Variants in VPS37A observed in about 807,000 individuals in gnomAD.
The protein encoded by VPS37A is vacuolar protein sorting-associated protein 37A.
In VPS37A, 30 loss-of-function variants were observed where a neutral mutation model predicts 49.8. That is an observed-to-expected ratio of 0.60 (90% CI 0.45 to 0.82). The LOEUF is 0.82. Ranked by LOEUF, VPS37A falls within the 40% of genes least tolerant of loss-of-function variation. The pLI is 0.00. For synonymous variants in VPS37A, 195 were observed against 160.6 expected (o/e 1.21, Z -1.62); for missense variants, 593 against 464.4 (o/e 1.28, Z -2.55).
the VPS37A span, among the ~76,000 whole-genome samples, chr8:17,330,487 A>T: frequency 2.6e-5 from 4 of 152,272 alleles, no homozygotes; most frequent in Non-Finnish European, 5.9e-5. Context: ...GAAGCAGCGG[A>T]CTAAGCTGGT....
At chr8:17,270,118 G>A (rs1585990767) in intron 4 of VPS37A, among the ~76,000 whole-genome samples, 2 of 152,082 alleles carry the variant, frequency 1.3e-5, no homozygotes, top group South Asian at 4.2e-4. Context: ...GCACCAAGAG[G>A]ATGGCATTAA....
chr8:17,259,206 A>G (rs1563245190), intron 1 of VPS37A, among the ~76,000 whole-genome samples: 1 of 152,024 alleles, frequency 6.6e-6, no homozygotes, highest in Non-Finnish European at 1.5e-5. Flanking sequence ...TGATACAGTC[A>G]TTTATTGCTA....
At chr8:17,330,166 G>A in the VPS37A span, among the ~76,000 whole-genome samples, 1 of 152,318 alleles carries the variant, frequency 6.6e-6, no homozygotes, top group African/African-American at 2.4e-5. Context: ...CAACCCCAAC[G>A]TTAGGGTGTT....
At chr8:17,306,097 G>C, downstream of VPS37A, 1 of 686,252 alleles carries the variant, frequency 1.5e-6, no homozygotes, top group East Asian at 2.8e-5. Flanking sequence ...AAAAAAGGTA[G>C]AAAAGTTAAG....
At chr8:17,277,919 T>C (rs1207471996) in intron 6 of VPS37A, among the ~76,000 whole-genome samples, 1 of 151,690 alleles carries the variant, frequency 6.6e-6, no homozygotes, top group Non-Finnish European at 1.5e-5. Flanking sequence ...TACATATGTG[T>C]ATTTACATAT....
intron 11 of VPS37A, among the ~76,000 whole-genome samples, chr8:17,290,433 A>G (rs1479780016): frequency 6.6e-6 from 1 of 152,106 alleles, no homozygotes; most frequent in Admixed American, 6.5e-5. Context: ...CATCTATGAG[A>G]TAATTGTGGT....
chr8:17,270,704 G>A (rs1278243944), intron 4 of VPS37A, among the ~76,000 whole-genome samples: 3 of 152,100 alleles, frequency 2.0e-5, no homozygotes, highest in Non-Finnish European at 4.4e-5. Context: ...ATCTGGTTGT[G>A]GCCATTTTGG....
chr8:17,304,746 C>CGTGTGT (rs10527892), downstream of VPS37A, among the ~76,000 whole-genome samples: 9 of 147,084 alleles, frequency 6.1e-5, no homozygotes, highest in South Asian at 2.1e-4. Flanking sequence ...GTGTTCGATT[C>CGTGTGT]GTGTGTGTGT....
chr8:17,302,984 T>C (rs1415935281), downstream of VPS37A, among the ~76,000 whole-genome samples: 1 of 152,078 alleles, frequency 6.6e-6, no homozygotes, highest in East Asian at 1.9e-4. Context: ...GTGCTGGGAT[T>C]ATAGGCGGGA....
intron 6 of VPS37A, chr8:17,279,790 C>T (rs1410938365): frequency 1.8e-6 from 1 of 565,824 alleles, no homozygotes; most frequent in South Asian, 1.5e-5. Context: ...ATCGATATAT[C>T]CATTGGACCA....
At chr8:17,270,686 G>A (rs557290005) in intron 4 of VPS37A, among the ~76,000 whole-genome samples, 101 of 152,088 alleles carry the variant, frequency 6.6e-4, no homozygotes, top group Non-Finnish European at 1.0e-3. Flanking sequence ...GTTCATATGG[G>A]ACTGGAAATC....
At chr8:17,288,175 G>A (rs189209320) in intron 11 of VPS37A, among the ~76,000 whole-genome samples, 9 of 152,158 alleles carry the variant, frequency 5.9e-5, no homozygotes, top group East Asian at 1.9e-4. Flanking sequence ...ACTCAAATCC[G>A]TTCCTTACCT....
chr8:17,246,966 G>A lies in VPS37A; in HGVS notation c.-279G>A, dbSNP rs1010993920. 2.2e-6 allele frequency: 1 copy of A among 461,978 alleles called. No homozygotes were observed. 28.6% of individuals were successfully genotyped at this position (461,978 alleles called of 1,614,324 possible). ...GGCGCGGGTGGTGGAGCGCTGGGCG[G>A]CCAGGCTCCCTGGCTGGCCGGTTTG... On this transcript the variant is annotated 5_prime_UTR_variant, in exon 1 of 12. Coordinates refer to ENST00000324849, the MANE Select transcript of VPS37A (RefSeq NM_152415.3).
the VPS37A span, among the ~76,000 whole-genome samples, chr8:17,309,533 G>A: frequency 1.3e-5 from 2 of 152,182 alleles, no homozygotes; most frequent in African/African-American, 4.8e-5. Flanking sequence ...ACAGTGAGTG[G>A]AAATGGATGT....
intron 1 of VPS37A, among the ~76,000 whole-genome samples, chr8:17,264,365 A>T (rs1040842941): frequency 2.6e-5 from 4 of 152,176 alleles, no homozygotes; most frequent in African/African-American, 9.7e-5. Flanking sequence ...CATTCTGTTG[A>T]TTATGTGGTG....
the VPS37A span, among the ~76,000 whole-genome samples, chr8:17,318,794 CCA>C: frequency 6.6e-6 from 1 of 152,182 alleles, no homozygotes; most frequent in African/African-American, 2.4e-5. Context: ...TCTGTGCCCC[CCA>C]GGGACAGCTG....
the VPS37A span, chr8:17,331,315 A>G: frequency 1.3e-6 from 2 of 1,552,476 alleles, no homozygotes; most frequent in African/African-American, 2.8e-5. Flanking sequence ...ACAGTCATCA[A>G]TTACATTGAT....
intron 11 of VPS37A, 57 bp downstream of exon 11, chr8:17,286,484 G>C: frequency 2.7e-6 from 4 of 1,493,028 alleles, no homozygotes; most frequent in Non-Finnish European, 3.7e-6. Flanking sequence ...TCTTTAAATA[G>C]ACATGTTGTT....
rs534911855 is a variant in VPS37A at position 17,273,284 on chromosome 8, T to C, written c.417-1449T>C. On this transcript the variant is annotated intron_variant, in intron 4 of 11. Coordinates refer to ENST00000324849, the MANE Select transcript of VPS37A (RefSeq NM_152415.3). ...TCTTTAAAATAATATTTTACCCAAATGTGAGCTTATTTGTTGGATAAATTC... is the reference window on the plus strand; with the variant it reads ...TCTTTAAAATAATATTTTACCCAAACGTGAGCTTATTTGTTGGATAAATTC... Among the ~76,000 whole-genome samples the C allele has an allele frequency of 1.2e-4, 18 of 152,264 alleles. No homozygotes were observed. The South Asian group carries it at 3.7e-3, about 32-fold the overall frequency.
Sources: allele counts gnomAD v4.1 joint callset (sites outside exome capture counted in the v4.1 genomes callset), GRCh38; gene constraint gnomAD v4.1.1; transcripts MANE v1.5; gene names NCBI Gene and HGNC (gene_info 2026-07-23, HGNC 2026-07-21).